Variants in MBD5 observed in about 807,000 individuals in gnomAD.
MBD5 encodes methyl-CpG binding domain protein 5, also known as methyl-CpG-binding domain protein 5.
MBD5 carries 13 observed loss-of-function variants against 117.3 expected under a neutral mutation model. The ratio of observed to expected loss-of-function variants is 0.11; its 90% CI spans 0.07 to 0.18. The LOEUF is 0.18. MBD5 is among the 10% of genes least tolerant of loss of function. The pLI is 1.00. For missense variants in MBD5, 1,879 were observed against 2,093.8 expected (o/e 0.90, Z 2.00); for synonymous variants, 727 against 766.4 (o/e 0.95, Z 0.85).
In MBD5 at chr2:148,490,261, A is replaced by G. The variant is rs115145637; in HGVS notation, c.4629A>G (p.Gln1543=). 110 of 1,614,232 alleles carry G rather than the reference A, an allele frequency of 6.8e-5. No homozygotes were observed. The African/African-American group carries it at 1.2e-3, about 18-fold the overall frequency. Reference sequence around the variant, plus strand: ...GAGAGCTGCTAAGCACTGCAAAGCAAGACCTGGTCCTAGAGGAGCAGTCTC... The same window carrying G: ...GAGAGCTGCTAAGCACTGCAAAGCAGGACCTGGTCCTAGAGGAGCAGTCTC... The part of the protein sequence containing the change: ...GFGELLSTAK[Q]DLVLEEQSPS... The change falls in exon 11 of 14, where the codon CAA becomes CAG. Residue 1543 remains glutamine (Q), a synonymous_variant. Transcript: ENST00000642680.
chr2:148,391,862 G>A (rs569994637), intron 4 of MBD5, among the ~76,000 whole-genome samples: 34 of 152,222 alleles, frequency 2.2e-4, no homozygotes, highest in African/African-American at 8.2e-4. Context: ...GTTCATCAAG[G>A]AACAAAGATA....
At chr2:148,342,010 A>G (rs917728365) in intron 3 of MBD5, among the ~76,000 whole-genome samples, 1 of 152,034 alleles carries the variant, frequency 6.6e-6, no homozygotes, top group Non-Finnish European at 1.5e-5. Flanking sequence ...ATATGAAAAT[A>G]AAGTATAGAA....
rs751374615 is a variant in MBD5 at position 148,463,949 on chromosome 2, TCTC to T, written c.397+34_397+36del. 79 of 1,609,212 alleles carry T rather than the reference TCTC, an allele frequency of 4.9e-5. 1 individual carries two copies. In the African/African-American group the frequency reaches 9.1e-4, roughly 19 times the overall value. ...GTAATATGGTGAAAGGTTCAGGAAT[TCTC>T]CTCTCCCTAGAGAAGGAGTTGCTAG... On this transcript the variant is annotated intron_variant, in intron 7 of 13. Coordinates refer to ENST00000642680, the MANE Select transcript of MBD5 (RefSeq NM_001378120.1).
chr2:148,188,807 G>A (rs1012468864), intron 2 of MBD5, among the ~76,000 whole-genome samples: 4 of 152,058 alleles, frequency 2.6e-5, no homozygotes, highest in South Asian at 2.1e-4. Flanking sequence ...CGTGAGCGAC[G>A]CAGAAGACGG....
chr2:148,174,031 A>G (rs553789803), intron 1 of MBD5, among the ~76,000 whole-genome samples: 1 of 152,304 alleles, frequency 6.6e-6, no homozygotes, highest in South Asian at 2.1e-4. Flanking sequence ...CACTACCTGA[A>G]TTCAAATTGT....
At chr2:148,186,717 T>G (rs1230480177) in intron 2 of MBD5, among the ~76,000 whole-genome samples, 1 of 152,170 alleles carries the variant, frequency 6.6e-6, no homozygotes, top group Non-Finnish European at 1.5e-5. Context: ...GGAAGACAAC[T>G]AAATCTAAAC....
intron 4 of MBD5, among the ~76,000 whole-genome samples, chr2:148,365,207 A>G (rs1481815939): frequency 1.3e-5 from 2 of 152,234 alleles, no homozygotes; most frequent in Non-Finnish European, 2.9e-5. Flanking sequence ...ACACAAATAC[A>G]TGGAAACTAA....
At chr2:148,224,913 A>G (rs958959671) in intron 2 of MBD5, among the ~76,000 whole-genome samples, 6 of 150,448 alleles carry the variant, frequency 4.0e-5, no homozygotes, top group Non-Finnish European at 5.9e-5. Flanking sequence ...GGCATGGAAT[A>G]TTTTTTTTTC....
chr2:148,371,060 A>G (rs2105364873), intron 4 of MBD5, among the ~76,000 whole-genome samples: 1 of 152,316 alleles, frequency 6.6e-6, no homozygotes, highest in Non-Finnish European at 1.5e-5. Context: ...TTGTCTTCTC[A>G]TGGAACATTT....
chr2:148,429,459 C>A (rs1705914573), intron 4 of MBD5, among the ~76,000 whole-genome samples: 1 of 152,050 alleles, frequency 6.6e-6, no homozygotes, highest in South Asian at 2.1e-4. Flanking sequence ...GGATCCAGAA[C>A]TAGAAATACC....
intron 1 of MBD5, among the ~76,000 whole-genome samples, chr2:148,147,613 G>A (rs1295419840): frequency 6.6e-6 from 1 of 152,058 alleles, no homozygotes; most frequent in Non-Finnish European, 1.5e-5. Context: ...TCAGTTTGTT[G>A]TTATTTGGTT....
intron 4 of MBD5, among the ~76,000 whole-genome samples, chr2:148,446,655 T>A (rs1005360256): frequency 2.0e-5 from 3 of 147,644 alleles, no homozygotes; most frequent in Non-Finnish European, 3.0e-5. Flanking sequence ...TTGAGCTTGC[T>A]ATCCGAGTAA....
chr2:148,152,210 T>G (rs538491231), intron 1 of MBD5, among the ~76,000 whole-genome samples: 3 of 152,346 alleles, frequency 2.0e-5, no homozygotes, highest in African/African-American at 7.2e-5. Flanking sequence ...CAGTAGTCAT[T>G]CAGGAGCAGG....
intron 1 of MBD5, among the ~76,000 whole-genome samples, chr2:148,099,128 C>G (rs183868102): frequency 6.3e-4 from 96 of 152,116 alleles, no homozygotes; most frequent in African/African-American, 2.2e-3. Flanking sequence ...AGGAGGAAAA[C>G]TATCTGGTAT....
chr2:148,221,837 A>AT (rs1699694440), intron 2 of MBD5, among the ~76,000 whole-genome samples: 1 of 152,072 alleles, frequency 6.6e-6, no homozygotes, highest in Non-Finnish European at 1.5e-5. Flanking sequence ...TATTCAGACC[A>AT]ATGTCTTGGA....
chr2:148,184,673 T>C (rs1029650261), intron 2 of MBD5, among the ~76,000 whole-genome samples: 2 of 152,214 alleles, frequency 1.3e-5, no homozygotes, highest in Non-Finnish European at 2.9e-5. Flanking sequence ...TATTTTTCTT[T>C]GAAAACAGTT....
chr2:148,433,305 G>A, intron 4 of MBD5, among the ~76,000 whole-genome samples: 1 of 152,080 alleles, frequency 6.6e-6, no homozygotes, highest in East Asian at 1.9e-4. Context: ...TGCAAACAGG[G>A]GTAGTTTGAC....
intron 4 of MBD5, among the ~76,000 whole-genome samples, chr2:148,369,727 G>C (rs940009585): frequency 1.3e-5 from 2 of 152,002 alleles, no homozygotes; most frequent in African/African-American, 4.8e-5. Context: ...GTATACTCCT[G>C]TGTTCAAATC....
intron 4 of MBD5, among the ~76,000 whole-genome samples, chr2:148,369,307 T>C (rs6723914): frequency 0.5 from 76,197 of 151,854 alleles, 19,408 homozygotes; most frequent in East Asian, 0.75. Context: ...GGGTTTTTTT[T>C]CAATCTATAA....
Sources: gnomAD v4.1 joint callset for allele counts (sites outside exome capture counted in the v4.1 genomes callset) on GRCh38, gnomAD v4.1.1 for gene constraint, MANE v1.5 for transcripts, NCBI Gene and HGNC (gene_info 2026-07-23, HGNC 2026-07-21) for gene names.